ABCC9: variants seen among roughly 807,000 people sequenced by gnomAD.
ABCC9 encodes ATP binding cassette subfamily C member 9.
A neutral mutation model predicts 188.3 loss-of-function variants in ABCC9; 95 were observed. The ratio of observed to expected loss-of-function variants is 0.50; its 90% CI spans 0.43 to 0.60. The LOEUF (loss-of-function observed/expected upper bound fraction) is 0.60, where lower values mean the gene tolerates loss of function less well. Among genes scored for constraint, ABCC9 ranks in the 20% least tolerant of loss-of-function variants. The probability of loss-of-function intolerance (pLI) is 0.00; values close to 1 mark genes in which losing one functional copy is unlikely to be tolerated. For synonymous variants in ABCC9, 659 were observed against 652.7 expected (o/e 1.01, Z -0.15); for missense variants, 1,102 against 1,876.3 (o/e 0.59, Z 7.62).
chr12:21,816,157 C>T (rs976800987), intron 33 of ABCC9, among the ~76,000 whole-genome samples: 3 of 143,934 alleles, frequency 2.1e-5, no homozygotes, highest in Non-Finnish European at 3.0e-5. Flanking sequence ...GTTTTTGGAG[C>T]CTTAACCATC....
intron 22 of ABCC9, among the ~76,000 whole-genome samples, chr12:21,853,745 C>T (rs528552879): frequency 6.6e-6 from 1 of 152,150 alleles, no homozygotes; most frequent in African/African-American, 2.4e-5. Context: ...TATCCTCAAA[C>T]TATGAGTTAG....
At chr12:21,915,061 C>T (rs187054090) in intron 7 of ABCC9, among the ~76,000 whole-genome samples, 7 of 151,554 alleles carry the variant, frequency 4.6e-5, no homozygotes, top group African/African-American at 1.5e-4. Context: ...TCACCATGCC[C>T]GGCTAATTTT....
chr12:21,895,422 A>G, intron 12 of ABCC9, 107 bp from the exon 13 acceptor site: 2 of 980,238 alleles, frequency 2.0e-6, no homozygotes, highest in Non-Finnish European at 3.2e-6. Context: ...AGGAAGGACA[A>G]AGAGTATTAA....
chr12:21,882,349 G>A (rs1302864714), intron 16 of ABCC9, among the ~76,000 whole-genome samples: 2 of 152,138 alleles, frequency 1.3e-5, no homozygotes, highest in Admixed American at 6.6e-5. Context: ...GGGCAGTACC[G>A]GGAAACTGGT....
At chr12:21,819,327 A>G (rs957826305) in intron 31 of ABCC9, among the ~76,000 whole-genome samples, 4 of 152,224 alleles carry the variant, frequency 2.6e-5, no homozygotes, top group African/African-American at 9.6e-5. Context: ...CTCAAAAAAA[A>G]TCTCACAACT....
In ABCC9 at chr12:21,817,237, T is replaced by A; in HGVS notation, c.3842A>T (p.Lys1281Met). Residue 1281 changes from lysine to methionine, a missense_variant, in exon 33 of 40, where the codon AAG becomes ATG. By Grantham distance (95) the Lys-to-Met change is moderately conservative. Coordinates refer to ENST00000261200, the MANE Select transcript of ABCC9 (RefSeq NM_020297.4). ...CTCCATAGTCAGGAAACTGTTCACC[T>A]TCTTCACTGCACCCATCTGGACCTC... is the stretch of plus-strand genomic sequence containing the variant. ...DLEVQMGAVKKVNSFLTMESE... is the reference protein window; with the variant it reads ...DLEVQMGAVKMVNSFLTMESE... 1.2e-6 allele frequency: 2 copies of A among 1,613,880 alleles called. No individual in the cohort carries two copies. The highest frequency in any genetic ancestry group is 1.7e-6 in the Non-Finnish European group (2 of 1,179,832).
chr12:21,906,016 G>A, intron 12 of ABCC9, 110 bp downstream of exon 12: 1 of 1,216,354 alleles, frequency 8.2e-7, no homozygotes, highest in South Asian at 1.2e-5. Flanking sequence ...AAATAAATAG[G>A]TGTCCTTGAA....
chr12:21,834,944 G>T (rs1311768121), intron 30 of ABCC9, among the ~76,000 whole-genome samples: 1 of 151,910 alleles, frequency 6.6e-6, no homozygotes, highest in Middle Eastern at 3.2e-3. Context: ...ACAACATCAA[G>T]GTTGCCAAGA....
At chr12:21,875,627 C>T (rs1236877495) in intron 17 of ABCC9, 27 bp downstream of exon 17, 2 of 1,545,400 alleles carry the variant, frequency 1.3e-6, no homozygotes, top group Non-Finnish European at 1.8e-6. Context: ...TGAACAATTA[C>T]AAAAATGCAT....
chr12:21,932,340 T>G (rs1357460797), intron 4 of ABCC9, among the ~76,000 whole-genome samples: 2 of 152,016 alleles, frequency 1.3e-5, no homozygotes, highest in African/African-American at 4.8e-5. Flanking sequence ...AGCAATACCA[T>G]TCAGGACATA....
chr12:21,857,498 G>A (rs11046215), intron 22 of ABCC9, among the ~76,000 whole-genome samples: 47,547 of 151,900 alleles, frequency 0.31, 8,896 homozygotes, highest in South Asian at 0.47. Flanking sequence ...GGCCCCTAAG[G>A]ATGCCCTGGT....
At chr12:21,831,121 A>AG (rs1325001281) in intron 30 of ABCC9, 1 of 148,512 alleles carries the variant, frequency 6.7e-6, no homozygotes, top group East Asian at 2.0e-4. Context: ...GTGCGATCTC[A>AG]GCTCACTACA....
In ABCC9 at chr12:21,859,677, G is replaced by C. The variant is rs1389925977; in HGVS notation, c.2425-11C>G. 1 of 1,612,406 alleles carries C rather than the reference G, an allele frequency of 6.2e-7. No individual in the cohort carries two copies. The highest frequency in any genetic ancestry group is 1.3e-5 in the African/African-American group (1 of 74,838). On this transcript the variant is annotated splice_polypyrimidine_tract_variant and intron_variant, in intron 21 of 39. Transcript: ENST00000261200. ...ACTCAGGTTGATGCCCTAGAGAAGA[G>C]ACACCCCCAAATACCCATTTTTTAA...
At chr12:21,852,277 G>A (rs2137442134) in intron 23 of ABCC9, 55 bp from the exon 24 acceptor site, 1 of 1,613,254 alleles carries the variant, frequency 6.2e-7, no homozygotes, top group Non-Finnish European at 8.5e-7. Flanking sequence ...TTGGCAAAAT[G>A]AACTACCTTT....
chr12:21,924,453 T>C (rs989374573), intron 5 of ABCC9: 1 of 152,100 alleles, frequency 6.6e-6, no homozygotes. Flanking sequence ...CATAATGAAA[T>C]GTTGAGACAA....
At chr12:21,829,258 G>A (rs1370315757) in intron 30 of ABCC9, among the ~76,000 whole-genome samples, 198 bp from the exon 31 acceptor site, 4 of 127,956 alleles carry the variant, frequency 3.1e-5, no homozygotes, top group Non-Finnish European at 4.7e-5. Flanking sequence ...CTGGAGTGCA[G>A]TGGCGCGATC....
rs184554539 is a variant in ABCC9 at position 21,840,258 on chromosome 12, G to T, written c.3473+2056C>A. Among the ~76,000 whole-genome samples, 3 of 152,294 alleles carry T rather than the reference G, an allele frequency of 2.0e-5. No individual in the cohort carries two copies. In the East Asian group the frequency reaches 5.8e-4, roughly 29 times the overall value. ...AAAAATGGCATGTTAAGCTGCCTGA[G>T]CTTTTCAACATGGATGAGTTCTAAA... is the stretch of plus-strand genomic sequence containing the variant. On this transcript the variant is annotated intron_variant, in intron 29 of 39. Transcript: ENST00000261200.
chr12:21,889,613 T>G lies in ABCC9; in HGVS notation c.1803-1679A>C, dbSNP rs146674463. On this transcript the variant is annotated intron_variant, in intron 14 of 39. Transcript: ENST00000261200. ...TTCAATAAATCAAAGAAGGAATAAA[T>G]CAATGATTCTGACATTAAGTAAAGT... is the stretch of plus-strand genomic sequence containing the variant. 3.9e-3 allele frequency among the ~76,000 whole-genome samples: 600 copies of G among 152,288 alleles called. 7 individuals carry two copies. Among genetic ancestry groups the G allele is most frequent in the African/African-American group, 0.013 (552 of 41,564 alleles).
chr12:21,929,902 T>C (rs929148828), intron 4 of ABCC9, among the ~76,000 whole-genome samples: 4 of 152,190 alleles, frequency 2.6e-5, no homozygotes, highest in Non-Finnish European at 5.9e-5. Flanking sequence ...GTTACATATG[T>C]ATACATGTGC....
Sources: gnomAD v4.1 joint callset for allele counts (sites outside exome capture counted in the v4.1 genomes callset) on GRCh38, gnomAD v4.1.1 for gene constraint, MANE v1.5 for transcripts, NCBI Gene and HGNC (gene_info 2026-07-23, HGNC 2026-07-21) for gene names.